Variants in WWTR1 observed in about 807,000 individuals in gnomAD.
The protein encoded by WWTR1 is WW domain containing transcription regulator 1.
In WWTR1, 13 loss-of-function variants were observed where a neutral mutation model predicts 40.1. That is an observed-to-expected ratio of 0.32 (90% confidence interval 0.21 to 0.52). The LOEUF is 0.52. Ranked by LOEUF, WWTR1 falls within the 20% of genes least tolerant of loss-of-function variation. The pLI, the probability that WWTR1 is intolerant of heterozygous loss-of-function variation, is 0.97. For synonymous variants in WWTR1, 230 were observed against 210.1 expected, an observed-to-expected ratio of 1.09 and a Z score of -0.82; for missense variants, 436 against 523.1, an observed-to-expected ratio of 0.83 and a Z score of 1.63.
intron 2 of WWTR1, among the ~76,000 whole-genome samples, chr3:149,587,284 G>T (rs1242543385): frequency 6.6e-6 from 1 of 152,064 alleles, no homozygotes; most frequent in Non-Finnish European, 1.5e-5. Flanking sequence ...TGTGTTGGAT[G>T]GTGTGTGAGG....
At chr3:149,707,392 C>A (rs1055426879), upstream of WWTR1, among the ~76,000 whole-genome samples, 4 of 152,158 alleles carry the variant, frequency 2.6e-5, no homozygotes, top group Admixed American at 2.6e-4. Flanking sequence ...TTAATAGGGA[C>A]ACATTGAATA....
chr3:149,625,027 G>A (rs1308964485), intron 2 of WWTR1, among the ~76,000 whole-genome samples: 1 of 149,238 alleles, frequency 6.7e-6, no homozygotes, highest in Admixed American at 6.7e-5. Context: ...CACCATGCCC[G>A]TACCATTCTT....
chr3:149,577,439 C>T (rs538140723), intron 2 of WWTR1, among the ~76,000 whole-genome samples: 5 of 152,220 alleles, frequency 3.3e-5, no homozygotes, highest in African/African-American at 1.2e-4. Context: ...CAAATATAAG[C>T]GGGAGTGGGC....
intron 2 of WWTR1, among the ~76,000 whole-genome samples, chr3:149,593,057 T>C (rs1285416622): frequency 6.6e-6 from 1 of 152,158 alleles, no homozygotes; most frequent in South Asian, 2.1e-4. Context: ...ATCACCCAGA[T>C]ACCGACTGCA....
chr3:149,570,956 GAGTT>G (rs1737592120), intron 3 of WWTR1, among the ~76,000 whole-genome samples: 1 of 152,150 alleles, frequency 6.6e-6, no homozygotes. Context: ...TACCAGATAG[GAGTT>G]AGTTAAATAA....
At chr3:149,655,781 A>G (rs1713174361) in intron 2 of WWTR1, among the ~76,000 whole-genome samples, 1 of 152,238 alleles carries the variant, frequency 6.6e-6, no homozygotes, top group South Asian at 2.1e-4. Flanking sequence ...GCTCTCTCAT[A>G]GCAATCAGAG....
intron 3 of WWTR1, among the ~76,000 whole-genome samples, chr3:149,548,919 C>T (rs1017205908): frequency 6.6e-6 from 1 of 152,158 alleles, no homozygotes; most frequent in African/African-American, 2.4e-5. Flanking sequence ...ATGACTTTTT[C>T]CATCCCCAGC....
chr3:149,579,794 C>T (rs1168919414), intron 2 of WWTR1, among the ~76,000 whole-genome samples: 1 of 152,132 alleles, frequency 6.6e-6, no homozygotes, highest in East Asian at 1.9e-4. Context: ...AATGTTAAAA[C>T]AAATGTACAT....
chr3:149,656,177 T>A (rs552530080), intron 2 of WWTR1, among the ~76,000 whole-genome samples: 1 of 152,336 alleles, frequency 6.6e-6, no homozygotes, highest in East Asian at 1.9e-4. Context: ...ATCAAAAAGC[T>A]GGAACAATGT....
intron 2 of WWTR1, among the ~76,000 whole-genome samples, chr3:149,610,627 TCTC>T (rs1196893852): frequency 1.3e-5 from 2 of 152,142 alleles, no homozygotes; most frequent in Non-Finnish European, 2.9e-5. Flanking sequence ...AGATGCCTTC[TCTC>T]CTCTCTTTCT....
intron 1 of WWTR1, among the ~76,000 whole-genome samples, chr3:149,682,722 A>C (rs1714500347): frequency 2.0e-5 from 3 of 152,244 alleles, no homozygotes; most frequent in Admixed American, 6.5e-5. Context: ...CTACTTTTAC[A>C]TTATCTGCCT....
intron 1 of WWTR1, among the ~76,000 whole-genome samples, chr3:149,679,645 GA>G (rs62987560): frequency 0.17 from 24,746 of 144,116 alleles, 2,209 homozygotes; most frequent in Admixed American, 0.28. Context: ...GGAATGGTGG[GA>G]AAAAAAAAAA....
chr3:149,529,365 T>C lies in WWTR1; in HGVS notation c.772-1396A>G, dbSNP rs575931954. On this transcript the variant is annotated intron_variant, in intron 4 of 6. Transcript: ENST00000360632. ...AGTCATCGGCTATAAAAATTTTCAGTTACTAGAGTTGGTTGCACTGTTACA... is the reference window on the plus strand; with the variant it reads ...AGTCATCGGCTATAAAAATTTTCAGCTACTAGAGTTGGTTGCACTGTTACA... Among the ~76,000 whole-genome samples the C allele has an allele frequency of 7.9e-5, 12 of 152,198 alleles. No homozygotes were observed. The South Asian group carries it at 2.5e-3, about 32-fold the overall frequency.
intron 2 of WWTR1, among the ~76,000 whole-genome samples, chr3:149,618,601 A>G (rs1184794635): frequency 6.6e-6 from 1 of 152,260 alleles, no homozygotes; most frequent in Non-Finnish European, 1.5e-5. Flanking sequence ...AGACAAATGC[A>G]GAAAAAGAGA....
At chr3:149,623,558 G>T (rs1330750842) in intron 2 of WWTR1, among the ~76,000 whole-genome samples, 1 of 152,178 alleles carries the variant, frequency 6.6e-6, no homozygotes, top group African/African-American at 2.4e-5. Flanking sequence ...AATATATGTT[G>T]TCTTTCTTTC....
At chr3:149,699,963 A>G (rs1035753323) in intron 1 of WWTR1, among the ~76,000 whole-genome samples, 4 of 152,144 alleles carry the variant, frequency 2.6e-5, no homozygotes, top group Non-Finnish European at 5.9e-5. Flanking sequence ...CTTTCGCATT[A>G]CTATAAAGGT....
intron 4 of WWTR1, among the ~76,000 whole-genome samples, chr3:149,533,835 C>T (rs1334662285): frequency 6.6e-6 from 1 of 151,776 alleles, no homozygotes; most frequent in Non-Finnish European, 1.5e-5. Flanking sequence ...TATAATGGAC[C>T]TGGCACATTG....
chr3:149,620,480 C>T (rs909856382), intron 2 of WWTR1, among the ~76,000 whole-genome samples: 2 of 151,932 alleles, frequency 1.3e-5, no homozygotes, highest in African/African-American at 4.8e-5. Flanking sequence ...TGGGCAGTGC[C>T]TTCAAACTTA....
At chr3:149,645,235 A>T (rs1712439565) in intron 2 of WWTR1, among the ~76,000 whole-genome samples, 1 of 152,214 alleles carries the variant, frequency 6.6e-6, no homozygotes, top group South Asian at 2.1e-4. Context: ...GCCCGCCACC[A>T]CGCCTGGCTA....
Sources: gnomAD v4.1 joint callset for allele counts (sites outside exome capture counted in the v4.1 genomes callset) on GRCh38, gnomAD v4.1.1 for gene constraint, MANE v1.5 for transcripts, NCBI Gene and HGNC (gene_info 2026-07-23, HGNC 2026-07-21) for gene names.